KIF26A: variants seen among roughly 807,000 people sequenced by gnomAD.
The protein encoded by KIF26A is kinesin family member 26A.
KIF26A carries 74 observed loss-of-function variants against 126.0 expected under a neutral mutation model. The observed-to-expected ratio is 0.59, with a 90% CI of 0.49 to 0.71. The LOEUF is 0.71. Among genes scored for constraint, KIF26A ranks in the 30% least tolerant of loss-of-function variants. The pLI is 0.00. For missense variants in KIF26A, 2,984 were observed against 2,763.3 expected, an observed-to-expected ratio of 1.08 and a Z score of -1.79; for synonymous variants, 1,445 against 1,232.7, an observed-to-expected ratio of 1.17 and a Z score of -3.61.
chr14:104,138,614 G>C lies in KIF26A; in HGVS notation c.-109G>C. The C allele has an allele frequency of 1.1e-6, 1 of 887,230 alleles. No individual in the cohort carries two copies. The highest frequency in any genetic ancestry group is 4.3e-5 in the East Asian group (1 of 23,462). 55.0% of individuals were successfully genotyped at this position (887,230 alleles called of 1,614,324 possible). Reference sequence around the variant, plus strand: ...TCGCAGGCTCTGCGAACTTCCGAGCGGCTGGGCCGGGCCATGGGGGCGCCT... The same window carrying C: ...TCGCAGGCTCTGCGAACTTCCGAGCCGCTGGGCCGGGCCATGGGGGCGCCT... On this transcript the variant is annotated 5_prime_UTR_variant, in exon 1 of 15. Transcript: ENST00000423312.
rs1019814995 is a variant in KIF26A at position 104,152,095 on chromosome 14, C to A, written c.369C>A (p.Arg123=). 1 of 1,612,452 alleles carries A rather than the reference C, an allele frequency of 6.2e-7. No individual in the cohort carries two copies. Among genetic ancestry groups the A allele is most frequent in the Non-Finnish European group, 8.5e-7 (1 of 1,179,780 alleles). ...CAGCCTGTCGCCCAGAGGCCGAGCGCCGCTGTGACGTCTGCGCCACACACC... is the reference window on the plus strand; with the variant it reads ...CAGCCTGTCGCCCAGAGGCCGAGCGACGCTGTGACGTCTGCGCCACACACC... The part of the protein sequence containing the change: ...ALPACRPEAE[R]RCDVCATHLQ... Residue 123 remains arginine, a synonymous_variant, in exon 3 of 15, where the codon CGC becomes CGA. Coordinates refer to ENST00000423312, the MANE Select transcript of KIF26A (RefSeq NM_015656.2). This position sits in a 1 kb window ranked among gnomAD's most constrained non-coding sequence, Gnocchi z 5.9.
Position 104,179,723 on chromosome 14 carries a change from T to C in KIF26A, c.5582T>C (p.Val1861Ala). The change falls in exon 15 of 15, where the codon GTC becomes GCC. Residue 1861 changes from valine to alanine, a missense_variant. Physicochemically the swap from Val to Ala is moderately conservative, Grantham distance 64. Coordinates refer to ENST00000423312, the MANE Select transcript of KIF26A (RefSeq NM_015656.2). ...CTGTGCAAGGCGCACGTCATGATGG[T>C]CACCTGCTTCGACATCAGCGTTGCA... is the stretch of plus-strand genomic sequence containing the variant. ...VNLCKAHVMM[V>A]TCFDISVAAS... 3 of 1,552,996 alleles carry C rather than the reference T, an allele frequency of 1.9e-6. 1 individual carries two copies. The South Asian group carries it at 3.6e-5, about 18-fold the overall frequency.
At chr14:104,173,267 G>C (rs2037979154) in intron 8 of KIF26A, 28 bp downstream of exon 8, 2 of 1,602,272 alleles carry the variant, frequency 1.2e-6, no homozygotes, top group South Asian at 2.2e-5. Flanking sequence ...CCCACCTTGG[G>C]GGAGGGGGGC....
intron 6 of KIF26A, among the ~76,000 whole-genome samples, chr14:104,172,270 G>A (rs1349820374): frequency 1.3e-5 from 2 of 152,242 alleles, no homozygotes; most frequent in Non-Finnish European, 2.9e-5. Flanking sequence ...GCCGTGCACC[G>A]TGTGGCTGCG....
In KIF26A at chr14:104,148,195, G is replaced by A. The variant is rs370450786; in HGVS notation, c.289-3820G>A. 3.3e-5 allele frequency among the ~76,000 whole-genome samples: 5 copies of A among 152,162 alleles called. No individual in the cohort carries two copies. ...ATGGAAGGATTACTTAAAGCAACTC[G>A]GAGACCCCAGAAACAAAATAAAGAA... On this transcript the variant is annotated intron_variant, in intron 2 of 14. Coordinates refer to ENST00000423312, the MANE Select transcript of KIF26A (RefSeq NM_015656.2). This position sits in a 1 kb window ranked among gnomAD's most constrained non-coding sequence, Gnocchi z 4.3.
chr14:104,179,474 T>C (rs2038076510), intron 14 of KIF26A, 88 bp downstream of exon 14: 5 of 1,427,294 alleles, frequency 3.5e-6, no homozygotes, highest in Non-Finnish European at 4.6e-6. Flanking sequence ...TGCTCTCCTG[T>C]ACCTCGTGGT....
At chr14:104,150,007 G>A (rs941820213) in intron 2 of KIF26A, among the ~76,000 whole-genome samples, 1 of 152,170 alleles carries the variant, frequency 6.6e-6, no homozygotes, top group African/African-American at 2.4e-5. Context: ...TCTGCCCTCA[G>A]CCTGTGCAGG....
At chr14:104,141,670 C>CG (rs1167037565) in intron 2 of KIF26A, among the ~76,000 whole-genome samples, 1 of 150,116 alleles carries the variant, frequency 6.7e-6, no homozygotes, top group Admixed American at 6.6e-5. Context: ...CCCAGCCTGC[C>CG]GGGGTCTCCC....
chr14:104,167,459 C>T (rs889036427), intron 5 of KIF26A, among the ~76,000 whole-genome samples: 3 of 152,072 alleles, frequency 2.0e-5, no homozygotes, highest in Non-Finnish European at 2.9e-5. Context: ...CAGGCGGGCC[C>T]CTGCCATGGG....
Position 104,176,401 on chromosome 14 carries a change from ACCAT to A in KIF26A, c.3617_3620del (p.Ile1206ThrfsTer41). Reference sequence around the variant, plus strand: ...CTCGCGGTGGGCATCCGCAGCCCAGACCATCCACTCCAGCCTCCCCCGGAAACCG... The same window carrying A: ...CTCGCGGTGGGCATCCGCAGCCCAGACCACTCCAGCCTCCCCCGGAAACCG... On this transcript the variant is annotated frameshift_variant, in exon 12 of 15. Transcript: ENST00000423312. LOFTEE classifies it high-confidence loss of function. 1 of 1,589,080 alleles carries A rather than the reference ACCAT, an allele frequency of 6.3e-7. No homozygotes were observed. Among genetic ancestry groups the A allele is most frequent in the Non-Finnish European group, 8.6e-7 (1 of 1,165,140 alleles).
intron 5 of KIF26A, among the ~76,000 whole-genome samples, chr14:104,169,798 T>C (rs2037940269): frequency 1.3e-5 from 2 of 152,138 alleles, no homozygotes; most frequent in Non-Finnish European, 2.9e-5. Context: ...TAATGCAAAA[T>C]GTGTTTTTTC....
At chr14:104,162,292 C>A (rs566551563) in intron 4 of KIF26A, among the ~76,000 whole-genome samples, 14 of 152,178 alleles carry the variant, frequency 9.2e-5, no homozygotes, top group Admixed American at 2.0e-4. Context: ...GTGGGGCGAA[C>A]AACCTTCCAG....
chr14:104,172,148 C>G (rs1034384251), intron 6 of KIF26A, among the ~76,000 whole-genome samples: 1 of 152,256 alleles, frequency 6.6e-6, no homozygotes, highest in African/African-American at 2.4e-5. Flanking sequence ...GGCTCTGGGC[C>G]AAGTCCACAG....
Position 104,177,211 on chromosome 14 carries a change from G to A in KIF26A, c.4423G>A (p.Gly1475Ser), listed in dbSNP as rs1457568632. The A allele has an allele frequency of 2.5e-6, 4 of 1,592,630 alleles. No homozygotes were observed. In the South Asian group the frequency reaches 3.3e-5, roughly 13 times the overall value. ...TGTGCCACCCTCCAGCCCCACACAC[G>A]GTCCAGCTCCCGCCTGTAGGAGCGG... ...LGVPPSSPTHGPAPACRSGAA... is the reference protein window; with the variant it reads ...LGVPPSSPTHSPAPACRSGAA... Residue 1475 changes from glycine to serine, a missense_variant, in exon 12 of 15, where the codon GGT becomes AGT. By Grantham distance (56) the Gly-to-Ser change is moderately conservative. Coordinates refer to ENST00000423312, the MANE Select transcript of KIF26A (RefSeq NM_015656.2).
intron 2 of KIF26A, among the ~76,000 whole-genome samples, chr14:104,145,765 C>A (rs1261470534): frequency 6.6e-6 from 1 of 152,248 alleles, no homozygotes; most frequent in Non-Finnish European, 1.5e-5. Flanking sequence ...GCCAACGTGG[C>A]CTCCACAAAG....
chr14:104,157,587 G>C (rs888060786), intron 3 of KIF26A, among the ~76,000 whole-genome samples, 168 bp from the exon 4 acceptor site: 1 of 152,172 alleles, frequency 6.6e-6, no homozygotes, highest in African/African-American at 2.4e-5. Context: ...TGCCAGCCCT[G>C]ATTTCTGGGG....
At chr14:104,143,247 A>C (rs1445999013) in intron 2 of KIF26A, among the ~76,000 whole-genome samples, 1 of 152,188 alleles carries the variant, frequency 6.6e-6, no homozygotes, top group African/African-American at 2.4e-5. Flanking sequence ...GCAGCTGAAC[A>C]GTGAGGGAAG....
chr14:104,175,320 G>A lies in KIF26A; in HGVS notation c.2532G>A (p.Leu844=). 1 of 1,604,248 alleles carries A rather than the reference G, an allele frequency of 6.2e-7. No homozygotes were observed. Among genetic ancestry groups the A allele is most frequent in the Non-Finnish European group, 8.5e-7 (1 of 1,179,522 alleles). Residue 844 remains leucine, a synonymous_variant, in exon 12 of 15, where the codon CTG becomes CTA. Transcript: ENST00000423312. ...TCCGCTGCAGCACCTTCGCGGAGCT[G>A]CAGGAGCGGCTGGAATGCATGGACG... The part of the protein sequence containing the change: ...DHFRCSTFAE[L]QERLECMDGN...
Position 104,176,547 on chromosome 14 carries a change from G to C in KIF26A, c.3759G>C (p.Gln1253His), listed in dbSNP as rs773842970. 4 of 1,605,758 alleles carry C rather than the reference G, an allele frequency of 2.5e-6. No homozygotes were observed. Among genetic ancestry groups the C allele is most frequent in the Non-Finnish European group, 3.4e-6 (4 of 1,179,684 alleles). Residue 1253 changes from glutamine to histidine, a missense_variant, in exon 12 of 15, where the codon CAG becomes CAC. Physicochemically the swap from Gln to His is conservative, Grantham distance 24. Coordinates refer to ENST00000423312, the MANE Select transcript of KIF26A (RefSeq NM_015656.2). ...WLLRVGECDTQAASAGRAPSP... is the reference protein window; with the variant it reads ...WLLRVGECDTHAASAGRAPSP... ...TCCGGGTAGGGGAGTGTGATACCCAGGCAGCTTCTGCTGGCAGGGCCCCCA... is the reference window on the plus strand; with the variant it reads ...TCCGGGTAGGGGAGTGTGATACCCACGCAGCTTCTGCTGGCAGGGCCCCCA...
Sources: gnomAD v4.1 joint callset for allele counts (sites outside exome capture counted in the v4.1 genomes callset) on GRCh38, gnomAD v4.1.1 for gene constraint, Gnocchi (gnomAD v3.1) non-coding constraint, MANE v1.5 for transcripts, NCBI Gene and HGNC (gene_info 2026-07-23, HGNC 2026-07-21) for gene names.